Variants in TSBP1 observed in about 807,000 individuals in gnomAD.
The protein encoded by TSBP1 is testis-expressed basic protein 1.
TSBP1 carries 56 observed loss-of-function variants against 68.8 expected under a neutral mutation model. The observed-to-expected ratio is 0.81, with a 90% CI of 0.66 to 1.02. The LOEUF is 1.02. Ranked by LOEUF, TSBP1 falls within the 50% of genes least tolerant of loss-of-function variation. The pLI is 0.00. For missense variants in TSBP1, 502 were observed against 641.2 expected (o/e 0.78, Z 2.34); for synonymous variants, 171 against 208.7 (o/e 0.82, Z 1.56).
exon 23 of TSBP1, chr6:32,293,180 T>C (rs751635624): frequency 1.6e-5 from 26 of 1,609,880 alleles, no homozygotes; most frequent in African/African-American, 4.0e-5. Context: ...TTTATCATTA[T>C]TTCCTTTATC....
intron 10 of TSBP1, chr6:32,339,286 T>C: frequency 1.8e-6 from 1 of 551,564 alleles, no homozygotes; most frequent in Non-Finnish European, 3.2e-6. Context: ...TTAATTAATC[T>C]AGTTTTTATT....
chr6:32,310,476 A>G lies in TSBP1; in HGVS notation c.580+5296T>C, dbSNP rs73395087. Among the ~76,000 whole-genome samples, 310 of 151,578 alleles carry G rather than the reference A, an allele frequency of 2.0e-3. 1 individual carries two copies. Among genetic ancestry groups the G allele is most frequent in the African/African-American group, 7.1e-3 (295 of 41,338 alleles). On this transcript the variant is annotated intron_variant, in intron 19 of 22. Coordinates refer to ENST00000612031, the Ensembl canonical transcript of TSBP1. ...ACAGCTCTTCTTTTTCATATTTTCA[A>G]TATCTTCTGTGTATTATTTTGAGCT... is the stretch of plus-strand genomic sequence containing the variant.
At chr6:32,329,838 C>T (rs1461324713) in intron 16 of TSBP1, among the ~76,000 whole-genome samples, 3 of 152,144 alleles carry the variant, frequency 2.0e-5, no homozygotes, top group African/African-American at 4.8e-5. Context: ...CAGAATTTCC[C>T]GTGTCCTGGG....
chr6:32,315,844 C>T lies in TSBP1; in HGVS notation c.560-52G>A. The T allele has an allele frequency of 8.5e-7, 1 of 1,182,086 alleles. No homozygotes were observed. The highest frequency in any genetic ancestry group is 1.2e-6 in the Non-Finnish European group (1 of 834,738). The allele number at this position is 1,182,086 out of a possible 1,614,324, so 73.2% of individuals were successfully genotyped here. On this transcript the variant is annotated intron_variant, in intron 18 of 22. Transcript: ENST00000612031. The surrounding 1 kb of genome is among the most constrained non-coding windows in gnomAD (Gnocchi z 5.4). ...TTTAATTTTTCTCAAATGGAGAAAA[C>T]ATAGCATTATCTAACATATTTTGTT...
chr6:32,326,132 G>C lies in TSBP1; in HGVS notation c.515-2518C>G, dbSNP rs867919455. The stretch of plus-strand genomic sequence containing the variant: ...AAACCATGAAACCAAAGTGGCTATT[G>C]TGGTTCCAGTAGCAGCAGTAGCTAT... On this transcript the variant is annotated intron_variant, in intron 16 of 22. Transcript: ENST00000612031. 2.1e-6 allele frequency: 3 copies of C among 1,402,222 alleles called. No individual in the cohort carries two copies. In the African/African-American group the frequency reaches 4.2e-5, roughly 20 times the overall value. 86.9% of individuals were successfully genotyped at this position (1,402,222 alleles called of 1,614,324 possible). A position where few individuals can be genotyped will look rare whatever the true frequency, so the allele number is the denominator to read the frequency against.
Position 32,314,173 on chromosome 6 carries a change from T to C in TSBP1, c.580+1599A>G, listed in dbSNP as rs1189794548. ...TACCCTCCTTCTTTATGCTTAGGTATGACTGTGCATTTTTCATTTAAAAAT... is the reference window on the plus strand; with the variant it reads ...TACCCTCCTTCTTTATGCTTAGGTACGACTGTGCATTTTTCATTTAAAAAT... On this transcript the variant is annotated intron_variant, in intron 19 of 22. Transcript: ENST00000612031. The surrounding 1 kb of genome is among the most constrained non-coding windows in gnomAD (Gnocchi z 4.2). Among the ~76,000 whole-genome samples the C allele has an allele frequency of 3.9e-5, 6 of 152,234 alleles. No individual in the cohort carries two copies. The highest frequency in any genetic ancestry group is 3.2e-3 in the Middle Eastern group (1 of 316).
At position 32,371,685 on chromosome 6, in the gene TSBP1, A is replaced by G. The variant is rs1053279249; in HGVS notation, c.13+9T>C. On this transcript the variant is annotated intron_variant, in intron 1 of 22. Coordinates refer to ENST00000612031, the Ensembl canonical transcript of TSBP1. ...TTGAGGAAGCCTCAAAGAGGGAGTT[A>G]GTCCATACCCAAGACTGTCATTTTC... The G allele has an allele frequency of 1.2e-6, 2 of 1,606,778 alleles. No homozygotes were observed. The highest frequency in any genetic ancestry group is 2.2e-5 in the East Asian group (1 of 44,878).
At position 32,325,685 on chromosome 6, in the gene TSBP1, G is replaced by GA; in HGVS notation, c.515-2072dup. ...TGCCTTTGTAACCTTTGATGACCAT[G>GA]ACTCCGTGGATAAGACTGTCATTCA... On this transcript the variant is annotated intron_variant, in intron 16 of 22. Coordinates refer to ENST00000612031, the Ensembl canonical transcript of TSBP1. The surrounding 1 kb of genome is among the most constrained non-coding windows in gnomAD (Gnocchi z 4.4). 1.9e-6 allele frequency: 2 copies of GA among 1,058,996 alleles called. No individual in the cohort carries two copies. The highest frequency in any genetic ancestry group is 4.7e-5 in the East Asian group (2 of 42,374). The allele number at this position is 1,058,996 out of a possible 1,614,324, so 65.6% of individuals were successfully genotyped here.
At chr6:32,370,335 T>C (rs1774244245) in intron 1 of TSBP1, among the ~76,000 whole-genome samples, 1 of 149,898 alleles carries the variant, frequency 6.7e-6, no homozygotes, top group South Asian at 2.1e-4. Flanking sequence ...TCCACTGGGG[T>C]ATGGGGAAAA....
exon 23 of TSBP1, chr6:32,293,028 C>T: frequency 6.2e-7 from 1 of 1,611,830 alleles, no homozygotes; most frequent in Non-Finnish European, 8.5e-7. Context: ...TTTGCCTTCG[C>T]CCTTTTCGAG....
chr6:32,359,741 T>C (rs1772780404), intron 6 of TSBP1, among the ~76,000 whole-genome samples: 1 of 152,124 alleles, frequency 6.6e-6, no homozygotes, highest in Non-Finnish European at 1.5e-5. Context: ...TCCTGAATGG[T>C]ATTGCCTAGG....
At chr6:32,347,396 T>C (rs9268283) in intron 9 of TSBP1, among the ~76,000 whole-genome samples, 51,056 of 151,936 alleles carry the variant, frequency 0.34, 9,644 homozygotes, top group Middle Eastern at 0.52. Context: ...GTTTTTTGTA[T>C]GTTTGTTTTA....
rs1770985877 is a variant in TSBP1 at position 32,346,273 on chromosome 6, C to CATAA, written c.349+3466_349+3467insTTAT. On this transcript the variant is annotated intron_variant, in intron 9 of 22. Coordinates refer to ENST00000612031, the Ensembl canonical transcript of TSBP1. ...CTCATGATCCACCCGCCTCGGCCTC[C>CATAA]CAAAGTGCTGGGATTACAGGCGTGA... is the stretch of plus-strand genomic sequence containing the variant. Among the ~76,000 whole-genome samples the CATAA allele has an allele frequency of 2.1e-4, 2 of 9,404 alleles. 1 individual carries two copies. The allele number at this position is 9,404 out of a possible 152,430, so 6.2% of individuals were successfully genotyped here.
At chr6:32,339,667 TATTTAG>T in intron 9 of TSBP1, 29 bp from the exon 11 acceptor site, 2 of 993,000 alleles carry the variant, frequency 2.0e-6, no homozygotes, top group Non-Finnish European at 3.1e-6. Flanking sequence ...AGTGTAACAT[TATTTAG>T]ATTTAGACTT....
intron 16 of TSBP1, among the ~76,000 whole-genome samples, chr6:32,327,952 C>T (rs1289542582): frequency 2.7e-5 from 4 of 149,476 alleles, no homozygotes; most frequent in African/African-American, 9.9e-5. Flanking sequence ...CCACCATGCC[C>T]GACTTATTAT....
intron 9 of TSBP1, among the ~76,000 whole-genome samples, chr6:32,344,980 CATGTAGCT>C (rs1319580547): frequency 6.6e-6 from 1 of 152,028 alleles, no homozygotes; most frequent in African/African-American, 2.4e-5. Flanking sequence ...CTCAGCCTCC[CATGTAGCT>C]AGGACTACAG....
rs528392332 is a variant in TSBP1, at chr6:32,365,141, C to T, written c.217+1026G>A. Among the ~76,000 whole-genome samples, 15 of 152,020 alleles carry T rather than the reference C, an allele frequency of 9.9e-5. No homozygotes were observed. Among genetic ancestry groups the T allele is most frequent in the Non-Finnish European group, 1.8e-4 (12 of 67,998 alleles). On this transcript the variant is annotated intron_variant, in intron 6 of 22. Transcript: ENST00000612031. This position sits in a 1 kb window ranked among gnomAD's most constrained non-coding sequence, Gnocchi z 4.3. Reference sequence around the variant, plus strand: ...TCCTAGTCTCAAGAAGTCCTCCTGCCTCGGCCTCCCAAAGTGCTGGGATTT... The same window carrying T: ...TCCTAGTCTCAAGAAGTCCTCCTGCTTCGGCCTCCCAAAGTGCTGGGATTT...
chr6:32,302,711 G>GAAAAAACAACTAGGGAA lies in TSBP1; in HGVS notation c.581-83_581-82insTTCCCTAGTTGTTTTTT. The GAAAAAACAACTAGGGAA allele has an allele frequency of 9.8e-7, 1 of 1,023,408 alleles. No homozygotes were observed. The highest frequency in any genetic ancestry group is 1.5e-6 in the Non-Finnish European group (1 of 687,892). The allele number at this position is 1,023,408 out of a possible 1,614,324, so 63.4% of individuals were successfully genotyped here. The stretch of plus-strand genomic sequence containing the variant: ...GTTCTTTCCTACTCCCAATTCCCTA[G>GAAAAAACAACTAGGGAA]TTGTTTTTTCTAGGGTACCATAAAG... On this transcript the variant is annotated intron_variant, in intron 19 of 22. Coordinates refer to ENST00000612031, the Ensembl canonical transcript of TSBP1. This position sits in a 1 kb window ranked among gnomAD's most constrained non-coding sequence, Gnocchi z 5.1.
Position 32,316,575 on chromosome 6 carries a change from G to T in TSBP1, c.560-783C>A, listed in dbSNP as rs1190106245. ...CAATTCTTTATGACTGCATTCTTGG[G>T]TAAGTATTTGGGTCAGTTTCTTATC... On this transcript the variant is annotated intron_variant, in intron 18 of 22. Coordinates refer to ENST00000612031, the Ensembl canonical transcript of TSBP1. This position sits in a 1 kb window ranked among gnomAD's most constrained non-coding sequence, Gnocchi z 4.5. Among the ~76,000 whole-genome samples the T allele has an allele frequency of 6.6e-6, 1 of 152,142 alleles. No individual in the cohort carries two copies. Among genetic ancestry groups the T allele is most frequent in the African/African-American group, 2.4e-5 (1 of 41,428 alleles).
Sources: gnomAD v4.1 joint callset for allele counts (sites outside exome capture counted in the v4.1 genomes callset) on GRCh38, gnomAD v4.1.1 for gene constraint, Gnocchi (gnomAD v3.1) non-coding constraint, MANE v1.5 for transcripts, NCBI Gene and HGNC (gene_info 2026-07-23, HGNC 2026-07-21) for gene names.